ABCC5: variants seen among roughly 807,000 people sequenced by gnomAD.
ABCC5 encodes ATP-binding cassette sub-family C member 5.
ABCC5 carries 61 observed loss-of-function variants against 160.9 expected under a neutral mutation model. The ratio of observed to expected loss-of-function variants is 0.38; its 90% CI spans 0.31 to 0.47. The LOEUF is 0.47. ABCC5 is among the 20% of genes least tolerant of loss of function. The pLI is 0.99. For synonymous variants in ABCC5, 666 were observed against 700.6 expected, an observed-to-expected ratio of 0.95 and a Z score of 0.78; for missense variants, 1,308 against 1,813.3, an observed-to-expected ratio of 0.72 and a Z score of 5.06.
At chr3:183,981,188 G>A (rs186126015) in intron 8 of ABCC5, among the ~76,000 whole-genome samples, 6 of 152,138 alleles carry the variant, frequency 3.9e-5, no homozygotes, top group Admixed American at 3.9e-4. Context: ...AAGGCACACT[G>A]GTTCAATTTG....
Position 183,982,762 on chromosome 3 carries a change from C to A in ABCC5, c.825+12G>T. On this transcript the variant is annotated intron_variant, in intron 6 of 29. Transcript: ENST00000334444. The surrounding 1 kb of genome is among the most constrained non-coding windows in gnomAD (Gnocchi z 5.2). ...GTTGCTCTCTGCTGTGAAGCAAACA[C>A]CCCTCACTCACCTCACCCAGGGATT... is the stretch of plus-strand genomic sequence containing the variant. The A allele has an allele frequency of 6.2e-7, 1 of 1,613,474 alleles. No individual in the cohort carries two copies.
intron 2 of ABCC5, among the ~76,000 whole-genome samples, chr3:184,007,253 C>T (rs1020077855): frequency 1.3e-5 from 2 of 151,656 alleles, no homozygotes; most frequent in African/African-American, 2.4e-5. Context: ...ATCTCCTGAC[C>T]TTGTGATCTG....
At chr3:183,947,557 C>T (rs1026898084) in intron 22 of ABCC5, 47 bp from the exon 23 acceptor site, 3 of 1,459,516 alleles carry the variant, frequency 2.1e-6, no homozygotes, top group African/African-American at 2.8e-5. Flanking sequence ...ACTACACAAC[C>T]CCGCGCATGG....
Position 183,948,365 on chromosome 3 carries a change from A to G in ABCC5, c.3228-855T>C, listed in dbSNP as rs149601644. Among the ~76,000 whole-genome samples, 1,522 of 152,322 alleles carry G rather than the reference A, an allele frequency of 1.0e-2. 24 individuals carry two copies. The highest frequency in any genetic ancestry group is 0.034 in the African/African-American group (1,432 of 41,574). On this transcript the variant is annotated intron_variant, in intron 22 of 29. Transcript: ENST00000334444. The stretch of plus-strand genomic sequence containing the variant: ...CATTTCCTCCCAGCAGTTTTTTTCA[A>G]TGCACTGACATTTACTGTGTGTAGG...
At chr3:184,012,051 GA>G (rs1721800207) in intron 2 of ABCC5, among the ~76,000 whole-genome samples, 1 of 102,786 alleles carries the variant, frequency 9.7e-6, no homozygotes, top group East Asian at 3.6e-4. Flanking sequence ...ACACACAAAT[GA>G]GTGCATATAA....
chr3:183,994,837 C>A (rs1430408082), intron 2 of ABCC5, among the ~76,000 whole-genome samples: 2 of 148,188 alleles, frequency 1.3e-5, no homozygotes, highest in African/African-American at 5.0e-5. Context: ...CTGTTCAAGT[C>A]TTTTGCCCAT....
chr3:184,007,846 C>G (rs1186424112), intron 2 of ABCC5, among the ~76,000 whole-genome samples: 1 of 151,962 alleles, frequency 6.6e-6, no homozygotes, highest in African/African-American at 2.4e-5. Flanking sequence ...AAACAAAAAA[C>G]AAAAAAACCC....
chr3:183,959,090 G>C (rs1716501521), intron 17 of ABCC5, among the ~76,000 whole-genome samples: 1 of 145,268 alleles, frequency 6.9e-6, no homozygotes, highest in Non-Finnish European at 1.5e-5. Flanking sequence ...CACAGTGTTT[G>C]TGTGTATTTA....
Position 183,949,746 on chromosome 3 carries a change from G to T in ABCC5, c.3227+7C>A. ...CTTTGAGGCCTCTAGCCCCCATCAGGACAAACCTGTGCAGAAACTCCTGCC... is the reference window on the plus strand; with the variant it reads ...CTTTGAGGCCTCTAGCCCCCATCAGTACAAACCTGTGCAGAAACTCCTGCC... On this transcript the variant is annotated splice_region_variant and intron_variant, in intron 22 of 29. Transcript: ENST00000334444. This position sits in a 1 kb window ranked among gnomAD's most constrained non-coding sequence, Gnocchi z 4.2. 1 of 1,614,074 alleles carries T rather than the reference G, an allele frequency of 6.2e-7. No homozygotes were observed. Among genetic ancestry groups the T allele is most frequent in the South Asian group, 1.1e-5 (1 of 91,070 alleles).
At chr3:183,994,524 C>T (rs1027280340) in intron 2 of ABCC5, among the ~76,000 whole-genome samples, 2 of 152,096 alleles carry the variant, frequency 1.3e-5, no homozygotes, top group African/African-American at 4.8e-5. Context: ...TACAGATGCC[C>T]ACCACCACGC....
intron 1 of ABCC5, among the ~76,000 whole-genome samples, chr3:184,016,247 T>C (rs1722182120): frequency 1.3e-5 from 2 of 152,168 alleles, no homozygotes; most frequent in Admixed American, 6.6e-5. Flanking sequence ...TAAACTATCC[T>C]AAGGGACTAA....
intron 8 of ABCC5, among the ~76,000 whole-genome samples, chr3:183,980,952 A>G (rs1394830896): frequency 6.6e-6 from 1 of 151,994 alleles, no homozygotes; most frequent in Non-Finnish European, 1.5e-5. Flanking sequence ...AACTCAGGTG[A>G]TCCACGTAAC....
intron 2 of ABCC5, among the ~76,000 whole-genome samples, chr3:183,993,224 C>T (rs1451126724): frequency 6.6e-6 from 1 of 152,112 alleles, no homozygotes; most frequent in African/African-American, 2.4e-5. Context: ...GTGGCTCACA[C>T]CTGTAAGCCC....
intron 22 of ABCC5, 92 bp from the exon 23 acceptor site, chr3:183,947,602 G>A (rs923285806): frequency 5.9e-6 from 6 of 1,013,764 alleles, no homozygotes; most frequent in Admixed American, 3.0e-5. Context: ...TGGAGGGCAC[G>A]TATTTAAATA....
At chr3:183,928,887 G>A in intron 26 of ABCC5, 62 bp from the exon 27 acceptor site, 1 of 1,383,466 alleles carries the variant, frequency 7.2e-7, no homozygotes, top group Non-Finnish European at 1.0e-6. Flanking sequence ...GGCAAAGGCT[G>A]TCTGTGGAAG....
chr3:183,944,185 A>G (rs1016352081), intron 24 of ABCC5, among the ~76,000 whole-genome samples: 2 of 152,174 alleles, frequency 1.3e-5, no homozygotes, highest in South Asian at 2.1e-4. Flanking sequence ...GCTTGAGCCC[A>G]GGAGTTTGAG....
At chr3:183,965,912 C>A (rs1035242405) in intron 12 of ABCC5, among the ~76,000 whole-genome samples, 1 of 152,014 alleles carries the variant, frequency 6.6e-6, no homozygotes, top group Non-Finnish European at 1.5e-5. Flanking sequence ...GCTGGCTAGA[C>A]CAGTTGCTTC....
chr3:183,986,215 A>G (rs1480989998), intron 5 of ABCC5: 1 of 152,300 alleles, frequency 6.6e-6, no homozygotes, highest in Non-Finnish European at 1.5e-5. Flanking sequence ...GGAAGTGTGT[A>G]TTGTTTACAC....
chr3:183,951,664 G>A lies in ABCC5; in HGVS notation c.2815-94C>T, dbSNP rs563885669. The A allele has an allele frequency of 1.7e-4, 259 of 1,541,414 alleles. 1 individual carries two copies. The highest frequency in any genetic ancestry group is 2.3e-4 in the South Asian group (19 of 82,210). On this transcript the variant is annotated intron_variant, in intron 19 of 29. Transcript: ENST00000334444. The surrounding 1 kb of genome is among the most constrained non-coding windows in gnomAD (Gnocchi z 4.7). The stretch of plus-strand genomic sequence containing the variant: ...TCCGCAGCACATCCACTCCCAAAGC[G>A]GGGAGGTGTGAGGGGTCAGGAGGGA...
Sources: allele counts gnomAD v4.1 joint callset (sites outside exome capture counted in the v4.1 genomes callset), GRCh38; gene constraint gnomAD v4.1.1; non-coding constraint Gnocchi (gnomAD v3.1); transcripts MANE v1.5; gene names NCBI Gene and HGNC (gene_info 2026-07-23, HGNC 2026-07-21).